Variants in COP1 observed in about 807,000 individuals in gnomAD.
The protein encoded by COP1 is E3 ubiquitin-protein ligase COP1.
In COP1, 24 loss-of-function variants were observed where a neutral mutation model predicts 101.3. The ratio of observed to expected loss-of-function variants is 0.24; its 90% CI spans 0.17 to 0.33. The LOEUF (loss-of-function observed/expected upper bound fraction) is 0.33. Among genes scored for constraint, COP1 ranks in the 10% least tolerant of loss-of-function variants. COP1 has a pLI of 1.00. For synonymous variants in COP1, 347 were observed against 341.9 expected (o/e 1.01, Z -0.17); for missense variants, 663 against 906.2 (o/e 0.73, Z 3.45).
At chr1:176,090,724 C>A (rs1226845160) in intron 9 of COP1, among the ~76,000 whole-genome samples, 1 of 151,862 alleles carries the variant, frequency 6.6e-6, no homozygotes, top group African/African-American at 2.4e-5. Context: ...GGATAAAAGC[C>A]AAGAAGACAA....
intron 15 of COP1, among the ~76,000 whole-genome samples, chr1:176,023,405 G>C (rs985037475): frequency 2.6e-5 from 4 of 152,182 alleles, no homozygotes; most frequent in Non-Finnish European, 5.9e-5. Context: ...AGAAAACTTA[G>C]AAAATATGAA....
chr1:176,019,212 C>A (rs570393395), intron 15 of COP1, among the ~76,000 whole-genome samples: 1 of 151,378 alleles, frequency 6.6e-6, no homozygotes, highest in Non-Finnish European at 1.5e-5. Flanking sequence ...CACCTGTAAT[C>A]CCAGCACTTT....
chr1:176,086,242 T>TG (rs1232315396), intron 9 of COP1, among the ~76,000 whole-genome samples: 1 of 150,744 alleles, frequency 6.6e-6, no homozygotes, highest in East Asian at 1.9e-4. Context: ...TTTTTTTTTT[T>TG]TGAGATGGAG....
At chr1:176,134,545 A>G (rs1402637647) in intron 8 of COP1, among the ~76,000 whole-genome samples, 1 of 152,024 alleles carries the variant, frequency 6.6e-6, no homozygotes, top group Non-Finnish European at 1.5e-5. Context: ...ATAAGAAAAT[A>G]CCAAGGAAAT....
At chr1:176,103,464 C>A (rs1395128736) in intron 9 of COP1, among the ~76,000 whole-genome samples, 1 of 152,180 alleles carries the variant, frequency 6.6e-6, no homozygotes, top group African/African-American at 2.4e-5. Context: ...GGAGAGCATG[C>A]ATGCCCAGAG....
chr1:176,066,429 C>T (rs1027371963), intron 11 of COP1, among the ~76,000 whole-genome samples: 1 of 152,132 alleles, frequency 6.6e-6, no homozygotes, highest in Non-Finnish European at 1.5e-5. Context: ...AAAGTGAACT[C>T]CTACTAAACT....
At chr1:176,151,518 A>C (rs996965737) in intron 5 of COP1, among the ~76,000 whole-genome samples, 1 of 152,158 alleles carries the variant, frequency 6.6e-6, no homozygotes, top group African/African-American at 2.4e-5. Flanking sequence ...CTCAAGAGGG[A>C]GCGTATCTGC....
chr1:176,121,540 C>T lies in COP1; in HGVS notation c.969-4859G>A, dbSNP rs147605484. Among the ~76,000 whole-genome samples the T allele has an allele frequency of 2.6e-3, 400 of 152,014 alleles. 3 individuals carry two copies. The highest frequency in any genetic ancestry group is 9.2e-3 in the African/African-American group (381 of 41,480). On this transcript the variant is annotated intron_variant, in intron 8 of 19. Transcript: ENST00000367669. Reference sequence around the variant, plus strand: ...TTTTATTTTTATGTTTTTAGAGGTACGATCTCACTCTGTCACCCAGGCTGG... The same window carrying T: ...TTTTATTTTTATGTTTTTAGAGGTATGATCTCACTCTGTCACCCAGGCTGG...
At chr1:176,063,047 G>GTTTTTTTTTTTTTTTTTTTTTT (rs34464104) in intron 11 of COP1, among the ~76,000 whole-genome samples, 3 of 90,590 alleles carry the variant, frequency 3.3e-5, no homozygotes, top group South Asian at 4.1e-4. Flanking sequence ...TTTTGAAAAT[G>GTTTTTTTTTTTTTTTTTTTTTT]TTTTTTTTTT....
At chr1:176,184,485 C>T in intron 2 of COP1, 148 bp downstream of exon 2, 1 of 626,060 alleles carries the variant, frequency 1.6e-6, no homozygotes, top group Non-Finnish European at 2.9e-6. Context: ...CAGCCTTAAA[C>T]TGCCACATCT....
chr1:176,061,408 C>G (rs1352721615), intron 11 of COP1, among the ~76,000 whole-genome samples: 1 of 152,094 alleles, frequency 6.6e-6, no homozygotes, highest in Non-Finnish European at 1.5e-5. Flanking sequence ...GGGCAGATCA[C>G]CTGAGGTCAG....
chr1:176,203,467 A>C (rs1181551222), intron 1 of COP1, among the ~76,000 whole-genome samples: 1 of 152,278 alleles, frequency 6.6e-6, no homozygotes, highest in African/African-American at 2.4e-5. Flanking sequence ...GGAAAAGCTA[A>C]TACAAAGGCA....
rs142263405 is a variant in COP1 at position 176,070,862 on chromosome 1, A to G, written c.1277+10290T>C. ...GAAATGAGGTCTTGCTATGCTTCCCAGGCTGGTTTTGAACTCTTGGCCTCA... is the reference window on the plus strand; with the variant it reads ...GAAATGAGGTCTTGCTATGCTTCCCGGGCTGGTTTTGAACTCTTGGCCTCA... On this transcript the variant is annotated intron_variant, in intron 11 of 19. Coordinates refer to ENST00000367669, the MANE Select transcript of COP1 (RefSeq NM_022457.7). Among the ~76,000 whole-genome samples, 399 of 152,136 alleles carry G rather than the reference A, an allele frequency of 2.6e-3. 3 individuals carry two copies. Among genetic ancestry groups the G allele is most frequent in the African/African-American group, 9.2e-3 (381 of 41,514 alleles).
intron 18 of COP1, among the ~76,000 whole-genome samples, chr1:175,968,018 C>A (rs1020938187): frequency 6.6e-6 from 1 of 152,110 alleles, no homozygotes; most frequent in Non-Finnish European, 1.5e-5. Flanking sequence ...CAGGCGCCTG[C>A]CAACACACCT....
intron 5 of COP1, among the ~76,000 whole-genome samples, chr1:176,161,603 T>TA (rs981936322): frequency 2.6e-4 from 39 of 147,222 alleles, no homozygotes; most frequent in African/African-American, 1.5e-4. Flanking sequence ...CTTTGTCCCT[T>TA]AAAAAAAAAA....
intron 11 of COP1, among the ~76,000 whole-genome samples, chr1:176,069,550 A>C (rs1676606350): frequency 6.6e-6 from 1 of 152,208 alleles, no homozygotes; most frequent in Non-Finnish European, 1.5e-5. Context: ...GTATCAAGTA[A>C]ACTATCCAGT....
chr1:176,159,274 T>C (rs971846497), intron 5 of COP1, among the ~76,000 whole-genome samples: 5 of 152,044 alleles, frequency 3.3e-5, no homozygotes, highest in African/African-American at 4.8e-5. Context: ...ATTCATCAAA[T>C]AGAAAACAAG....
At chr1:176,203,209 C>T (rs1425177213) in intron 1 of COP1, among the ~76,000 whole-genome samples, 1 of 151,338 alleles carries the variant, frequency 6.6e-6, no homozygotes. Context: ...GGGTGGCCGG[C>T]GCCTGTAGTC....
intron 11 of COP1, among the ~76,000 whole-genome samples, chr1:176,053,198 A>G (rs1180575822): frequency 6.6e-6 from 1 of 152,160 alleles, no homozygotes; most frequent in Non-Finnish European, 1.5e-5. Flanking sequence ...TTGCTTTCTC[A>G]TTCTAAGTGA....
Sources: allele counts gnomAD v4.1 joint callset (sites outside exome capture counted in the v4.1 genomes callset), GRCh38; gene constraint gnomAD v4.1.1; transcripts MANE v1.5; gene names NCBI Gene and HGNC (gene_info 2026-07-23, HGNC 2026-07-21).